The following GPC6 variants were observed in gnomAD, a reference collection of about 807,000 sequenced individuals.
The protein encoded by GPC6 is glypican 6.
A neutral mutation model predicts 55.2 loss-of-function variants in GPC6; 14 were observed. The ratio of observed to expected loss-of-function variants is 0.25; its 90% CI spans 0.17 to 0.40. The LOEUF (loss-of-function observed/expected upper bound fraction) is 0.40, where lower values mean the gene tolerates loss of function less well. GPC6 is among the 10% of genes least tolerant of loss of function. GPC6 has a pLI of 1.00. For synonymous variants in GPC6, 278 were observed against 259.6 expected, an observed-to-expected ratio of 1.07 and a Z score of -0.68; for missense variants, 641 against 708.5, an observed-to-expected ratio of 0.90 and a Z score of 1.08.
At chr13:94,194,087 T>C (rs1462367720) in intron 4 of GPC6, among the ~76,000 whole-genome samples, 1 of 152,180 alleles carries the variant, frequency 6.6e-6, no homozygotes. Flanking sequence ...GCTAATCTCA[T>C]TTGGGGAGTG....
chr13:93,493,445 C>G (rs1340795295), intron 1 of GPC6, among the ~76,000 whole-genome samples: 3 of 103,362 alleles, frequency 2.9e-5, no homozygotes, highest in Non-Finnish European at 6.1e-5. Flanking sequence ...AGCGGTCTAT[C>G]AATTTTGTTG....
chr13:93,468,672 C>T (rs933113110), intron 1 of GPC6, among the ~76,000 whole-genome samples: 2 of 152,052 alleles, frequency 1.3e-5, no homozygotes, highest in Admixed American at 1.3e-4. Context: ...GAAGAGCATG[C>T]ATAATATTCA....
chr13:94,099,685 G>A (rs1161939940), intron 4 of GPC6, among the ~76,000 whole-genome samples: 1 of 152,044 alleles, frequency 6.6e-6, no homozygotes, highest in Non-Finnish European at 1.5e-5. Flanking sequence ...TTTATTGGAA[G>A]GCTGATGGAA....
At chr13:93,645,209 C>CATGATACCT (rs778536629) in intron 2 of GPC6, among the ~76,000 whole-genome samples, 2 of 150,690 alleles carry the variant, frequency 1.3e-5, no homozygotes, top group Non-Finnish European at 3.0e-5. Flanking sequence ...CTTAATTTTT[C>CATGATACCT]ATGATACCTT....
intron 3 of GPC6, among the ~76,000 whole-genome samples, chr13:93,869,698 C>A (rs1889070610): frequency 6.6e-6 from 1 of 151,756 alleles, no homozygotes; most frequent in African/African-American, 2.4e-5. Context: ...AAATACAGGG[C>A]AATTTTAAAT....
At chr13:93,909,843 A>G (rs1052818563) in intron 3 of GPC6, among the ~76,000 whole-genome samples, 4 of 152,214 alleles carry the variant, frequency 2.6e-5, no homozygotes, top group East Asian at 3.9e-4. Flanking sequence ...TTCGATTTAT[A>G]TATAATTTAT....
intron 4 of GPC6, among the ~76,000 whole-genome samples, chr13:94,075,688 T>A (rs772350391): frequency 2.6e-5 from 4 of 152,130 alleles, no homozygotes; most frequent in Non-Finnish European, 5.9e-5. Context: ...TCAGGATACC[T>A]CCTATAAGTG....
intron 2 of GPC6, among the ~76,000 whole-genome samples, chr13:93,549,208 A>C (rs1874990673): frequency 6.6e-6 from 1 of 152,054 alleles, no homozygotes; most frequent in Non-Finnish European, 1.5e-5. Flanking sequence ...CTTCCTTCTC[A>C]CCTTCCTCTC....
intron 1 of GPC6, among the ~76,000 whole-genome samples, chr13:93,497,788 A>G (rs1378587336): frequency 6.6e-6 from 1 of 152,254 alleles, no homozygotes; most frequent in Non-Finnish European, 1.5e-5. Flanking sequence ...AGAACCAGTA[A>G]TGGTGATCAT....
At chr13:94,122,231 G>T (rs1056895818) in intron 4 of GPC6, among the ~76,000 whole-genome samples, 8 of 151,940 alleles carry the variant, frequency 5.3e-5, no homozygotes, top group Admixed American at 5.3e-4. Flanking sequence ...GGAAACTACT[G>T]TGTGCCATGT....
chr13:93,892,027 G>A (rs191878520), intron 3 of GPC6, among the ~76,000 whole-genome samples: 7 of 151,992 alleles, frequency 4.6e-5, no homozygotes, highest in African/African-American at 1.7e-4. Flanking sequence ...TAGTATATCT[G>A]TCATATACAC....
chr13:93,395,944 A>G (rs1034397601), intron 1 of GPC6: 2 of 152,228 alleles, frequency 1.3e-5, no homozygotes, highest in Non-Finnish European at 2.9e-5. Context: ...CTAAAGGAAG[A>G]GTCATGTGTT....
At chr13:93,904,524 A>G (rs1876530217) in intron 3 of GPC6, among the ~76,000 whole-genome samples, 1 of 152,150 alleles carries the variant, frequency 6.6e-6, no homozygotes, top group African/African-American at 2.4e-5. Flanking sequence ...TAAAAATGTT[A>G]ACACTCTCTG....
chr13:93,342,086 G>T (rs536420831), intron 1 of GPC6, among the ~76,000 whole-genome samples: 4 of 151,950 alleles, frequency 2.6e-5, no homozygotes, highest in African/African-American at 9.7e-5. Context: ...AGCCAGGATG[G>T]TCTCAATCTC....
At chr13:93,340,596 G>T (rs1314919755) in intron 1 of GPC6, among the ~76,000 whole-genome samples, 1 of 152,152 alleles carries the variant, frequency 6.6e-6, no homozygotes, top group African/African-American at 2.4e-5. Context: ...GATCATTTCA[G>T]CTGATGGAAG....
At chr13:94,127,734 G>A (rs1180908707) in intron 4 of GPC6, among the ~76,000 whole-genome samples, 1 of 152,174 alleles carries the variant, frequency 6.6e-6, no homozygotes, top group Admixed American at 6.5e-5. Flanking sequence ...GAGTGCCAGG[G>A]AACTGCTAGT....
chr13:93,840,588 C>T (rs1352337066), intron 3 of GPC6, among the ~76,000 whole-genome samples: 1 of 152,046 alleles, frequency 6.6e-6, no homozygotes, highest in Non-Finnish European at 1.5e-5. Context: ...GTGTTCAGCT[C>T]CTCTTTACCT....
At chr13:94,178,179 TG>T (rs1453067680) in intron 4 of GPC6, among the ~76,000 whole-genome samples, 1 of 152,074 alleles carries the variant, frequency 6.6e-6, no homozygotes, top group Non-Finnish European at 1.5e-5. Context: ...TTTGTATTTT[TG>T]TAGAAATGGG....
chr13:93,318,984 A>G (rs553703407), intron 1 of GPC6, among the ~76,000 whole-genome samples: 2 of 152,276 alleles, frequency 1.3e-5, no homozygotes, highest in Non-Finnish European at 2.9e-5. Flanking sequence ...GAGGTTGCAT[A>G]CATTGGAACA....
Sources: allele counts gnomAD v4.1 joint callset (sites outside exome capture counted in the v4.1 genomes callset), GRCh38; gene constraint gnomAD v4.1.1; transcripts MANE v1.5; gene names NCBI Gene and HGNC (gene_info 2026-07-23, HGNC 2026-07-21).